CCR3: variants seen among roughly 807,000 people sequenced by gnomAD.
CCR3 encodes the protein C-C chemokine receptor type 3.
For synonymous variants in CCR3, 203 were observed against 179.2 expected, an observed-to-expected ratio of 1.13 and a Z score of -1.06; for missense variants, 419 against 437.5, an observed-to-expected ratio of 0.96 and a Z score of 0.38.
chr3:46,236,921 A>C (rs1214688891), intron 2 of CCR3, among the ~76,000 whole-genome samples: 1 of 152,234 alleles, frequency 6.6e-6, no homozygotes, highest in East Asian at 1.9e-4. Flanking sequence ...AGACCTGAGG[A>C]GAGAAAGGAG....
chr3:46,220,892 TGGGTG>T (rs1232261201), intron 2 of CCR3, among the ~76,000 whole-genome samples: 8 of 152,134 alleles, frequency 5.3e-5, no homozygotes, highest in Non-Finnish European at 1.0e-4. Flanking sequence ...GACTACACGC[TGGGTG>T]CAGTGTACAC....
rs1268135919 is a variant in CCR3 at position 46,264,187 on chromosome 3, G to A, written c.-11-961G>A. On this transcript the variant is annotated intron_variant, in intron 1 of 1. Coordinates refer to ENST00000395940, the MANE Select transcript of CCR3 (RefSeq NM_178329.3). The stretch of plus-strand genomic sequence containing the variant: ...AGTCCAGTGAGAAATCCCATTGACT[G>A]ACCCCTCCTGCTTACCCCTTTGTGA... The A allele has an allele frequency of 7.7e-6, 4 of 517,592 alleles. No homozygotes were observed. In the East Asian group the frequency reaches 1.5e-4, roughly 20 times the overall value. The allele number at this position is 517,592 out of a possible 1,614,324, so 32.1% of individuals were successfully genotyped here. A position where few individuals can be genotyped will look rare whatever the true frequency, so the allele number is the denominator to read the frequency against.
At chr3:46,236,374 T>C (rs1003162642) in intron 2 of CCR3, among the ~76,000 whole-genome samples, 8 of 152,326 alleles carry the variant, frequency 5.3e-5, no homozygotes, top group African/African-American at 1.9e-4. Context: ...TGGTGGTGCA[T>C]GTGCAAGGCC....
chr3:46,259,479 A>G (rs1700484754), intron 1 of CCR3, among the ~76,000 whole-genome samples: 1 of 152,236 alleles, frequency 6.6e-6, no homozygotes, highest in Non-Finnish European at 1.5e-5. Flanking sequence ...ATACCAGGAC[A>G]TATCTGATAT....
intron 2 of CCR3, among the ~76,000 whole-genome samples, chr3:46,229,372 A>C (rs968205779): frequency 7.2e-5 from 11 of 152,222 alleles, no homozygotes; most frequent in Non-Finnish European, 2.9e-5. Context: ...TCCACTGTAC[A>C]TTTCAGAGTT....
chr3:46,259,491 T>C (rs143212088), intron 1 of CCR3, among the ~76,000 whole-genome samples: 1 of 152,344 alleles, frequency 6.6e-6, no homozygotes, highest in East Asian at 1.9e-4. Flanking sequence ...ATCTGATATT[T>C]AGGAAATTCA....
At chr3:46,244,946 G>A (rs1700163137) in intron 1 of CCR3, among the ~76,000 whole-genome samples, 1 of 152,146 alleles carries the variant, frequency 6.6e-6, no homozygotes, top group South Asian at 2.1e-4. Context: ...CCACAACCAT[G>A]TTATTTGGAA....
chr3:46,214,358 C>A (rs1699749446), intron 2 of CCR3, among the ~76,000 whole-genome samples: 1 of 152,180 alleles, frequency 6.6e-6, no homozygotes. Flanking sequence ...CCTGTCTAAA[C>A]CCATCCCTTC....
intron 2 of CCR3, among the ~76,000 whole-genome samples, chr3:46,219,232 C>G (rs1030366762): frequency 6.6e-6 from 1 of 152,002 alleles, no homozygotes; most frequent in Non-Finnish European, 1.5e-5. Context: ...TTTATAACAG[C>G]TGCAAAAAAT....
intron 2 of CCR3, among the ~76,000 whole-genome samples, chr3:46,217,358 T>C (rs1200856186): frequency 1.3e-5 from 2 of 152,122 alleles, no homozygotes; most frequent in African/African-American, 4.8e-5. Context: ...GGCAACACAA[T>C]AGTCGTAGGG....
chr3:46,230,748 T>C (rs1699954881), intron 2 of CCR3, among the ~76,000 whole-genome samples: 1 of 152,150 alleles, frequency 6.6e-6, no homozygotes, highest in African/African-American at 2.4e-5. Flanking sequence ...ACTGTCCTAG[T>C]TCATGAGCCT....
upstream of CCR3, among the ~76,000 whole-genome samples, chr3:46,240,729 G>T (rs1445222281): frequency 6.6e-6 from 1 of 152,132 alleles, no homozygotes; most frequent in Admixed American, 6.5e-5. Context: ...CCTCCACGTA[G>T]TCCTAATTTA....
At chr3:46,213,239 C>G (rs1191147443) in intron 2 of CCR3, among the ~76,000 whole-genome samples, 1 of 152,198 alleles carries the variant, frequency 6.6e-6, no homozygotes, top group Non-Finnish European at 1.5e-5. Flanking sequence ...TGCTCTCACT[C>G]CCACATCTAG....
chr3:46,229,469 T>C (rs1699938270), intron 2 of CCR3, among the ~76,000 whole-genome samples: 1 of 152,124 alleles, frequency 6.6e-6, no homozygotes, highest in South Asian at 2.1e-4. Flanking sequence ...ATGTATAGCA[T>C]TGATGATATA....
At chr3:46,244,439 T>G (rs1700153111) in intron 1 of CCR3, among the ~76,000 whole-genome samples, 4 of 152,156 alleles carry the variant, frequency 2.6e-5, no homozygotes, top group African/African-American at 9.7e-5. Context: ...TTTAATCACC[T>G]GGGTGCAGGC....
At chr3:46,258,990 A>T (rs535342090) in intron 1 of CCR3, among the ~76,000 whole-genome samples, 70 of 152,330 alleles carry the variant, frequency 4.6e-4, no homozygotes, top group Non-Finnish European at 9.3e-4. Context: ...CAGCATTTTA[A>T]AAAATATGGC....
chr3:46,230,887 C>T (rs1389385425), intron 2 of CCR3, among the ~76,000 whole-genome samples: 1 of 152,118 alleles, frequency 6.6e-6, no homozygotes, highest in Non-Finnish European at 1.5e-5. Context: ...AGGATTTGTG[C>T]TGCTCAAAAC....
intron 2 of CCR3, among the ~76,000 whole-genome samples, chr3:46,218,059 A>T (rs1699795536): frequency 6.6e-6 from 1 of 152,114 alleles, no homozygotes; most frequent in African/African-American, 2.4e-5. Context: ...AGCAAAATCG[A>T]TAGACCATTA....
intron 1 of CCR3, among the ~76,000 whole-genome samples, chr3:46,262,462 G>A (rs771052224): frequency 9.2e-5 from 14 of 152,116 alleles, no homozygotes; most frequent in Non-Finnish European, 1.5e-4. Flanking sequence ...TTTTACTTTC[G>A]TTTTTGTGCT....
Sources: allele counts gnomAD v4.1 joint callset (sites outside exome capture counted in the v4.1 genomes callset), GRCh38; gene constraint gnomAD v4.1.1; transcripts MANE v1.5; gene names NCBI Gene and HGNC (gene_info 2026-07-23, HGNC 2026-07-21).